Variants in MEI4 observed in about 807,000 individuals in gnomAD.
The protein encoded by MEI4 is meiosis-specific protein MEI4.
In MEI4, 27 loss-of-function variants were observed where a neutral mutation model predicts 31.4. The ratio of observed to expected loss-of-function variants is 0.86; its 90% confidence interval spans 0.63 to 1.19. The LOEUF is 1.19. MEI4 is among the 50% of genes most tolerant of loss of function. The pLI is 0.00. For synonymous variants in MEI4, 122 were observed against 145.4 expected, an observed-to-expected ratio of 0.84 and a Z score of 1.16; for missense variants, 329 against 398.9, an observed-to-expected ratio of 0.82 and a Z score of 1.49.
At chr6:77,917,006 T>G (rs1019496951) in intron 4 of MEI4, among the ~76,000 whole-genome samples, 1 of 146,764 alleles carries the variant, frequency 6.8e-6, no homozygotes, top group African/African-American at 2.5e-5. Flanking sequence ...CACCTATGAG[T>G]GAGAATATGC....
intron 2 of MEI4, among the ~76,000 whole-genome samples, chr6:77,729,946 G>C (rs990809228): frequency 6.6e-6 from 1 of 152,046 alleles, no homozygotes; most frequent in African/African-American, 2.4e-5. Flanking sequence ...GGAGGCTCGG[G>C]AGAACAACTC....
At chr6:77,734,069 AGGTGT>A (rs940518141) in intron 2 of MEI4, among the ~76,000 whole-genome samples, 5 of 151,974 alleles carry the variant, frequency 3.3e-5, no homozygotes, top group Non-Finnish European at 7.3e-5. Context: ...GTTTTGGAAT[AGGTGT>A]GGTGTGGTGC....
intron 2 of MEI4, among the ~76,000 whole-genome samples, chr6:77,726,322 TA>T (rs1766819561): frequency 6.6e-6 from 1 of 151,592 alleles, no homozygotes; most frequent in African/African-American, 2.4e-5. Context: ...TACTTCTTTC[TA>T]CACAGACACA....
intron 2 of MEI4, among the ~76,000 whole-genome samples, chr6:77,706,046 T>C (rs2127658221): frequency 6.6e-6 from 1 of 152,274 alleles, no homozygotes; most frequent in East Asian, 1.9e-4. Context: ...CAAAGTCCCT[T>C]TCTGACCTTC....
intron 3 of MEI4, among the ~76,000 whole-genome samples, chr6:77,777,692 C>T (rs1002425221): frequency 6.6e-6 from 1 of 152,088 alleles, no homozygotes. Context: ...CCCATATAAT[C>T]AGGATTAGCA....
chr6:77,854,258 A>G (rs901026585), intron 4 of MEI4, among the ~76,000 whole-genome samples: 1 of 151,952 alleles, frequency 6.6e-6, no homozygotes, highest in African/African-American at 2.4e-5. Flanking sequence ...TTTACCCCTC[A>G]ATATTTGAAA....
chr6:77,802,021 TC>T (rs1435825485), intron 3 of MEI4, among the ~76,000 whole-genome samples: 3 of 152,184 alleles, frequency 2.0e-5, no homozygotes, highest in Non-Finnish European at 2.9e-5. Context: ...TTCCTGGATA[TC>T]CTTGTTAACT....
intron 1 of MEI4, among the ~76,000 whole-genome samples, chr6:77,662,831 G>A (rs574838801): frequency 1.6e-3 from 221 of 134,192 alleles, no homozygotes; most frequent in African/African-American, 6.2e-3. Flanking sequence ...GGGAGAGCAC[G>A]TGTGTTTTTA....
intron 3 of MEI4, among the ~76,000 whole-genome samples, chr6:77,781,612 C>T (rs890771628): frequency 2.0e-5 from 3 of 152,108 alleles, no homozygotes; most frequent in Non-Finnish European, 4.4e-5. Flanking sequence ...TTATGGTCTA[C>T]ATTATTAAGT....
rs1380426797 is a variant in MEI4, at chr6:77,819,736, T to C, written c.769-9195T>C. The stretch of plus-strand genomic sequence containing the variant: ...AAGTAATAAAGGCCTTTCTTTTTAT[T>C]TGTGATTTAATATCACCTAGATATA... On this transcript the variant is annotated intron_variant, in intron 3 of 4. Transcript: ENST00000684080. 5.9e-5 allele frequency among the ~76,000 whole-genome samples: 9 copies of C among 152,294 alleles called. No individual in the cohort carries two copies. The East Asian group carries it at 1.7e-3, about 29-fold the overall frequency.
Position 77,698,868 on chromosome 6 carries a change from A to C in MEI4, c.232+7965A>C, listed in dbSNP as rs567704809. ...GATAATATCCTGCAGAGTGTTTTCC[A>C]ACTTGGTTCCATTCTCCCGGTCACT... On this transcript the variant is annotated intron_variant, in intron 2 of 4. Coordinates refer to ENST00000684080, the MANE Select transcript of MEI4 (RefSeq NM_001322247.2). 1.1e-4 allele frequency among the ~76,000 whole-genome samples: 17 copies of C among 152,260 alleles called. No homozygotes were observed. The South Asian group carries it at 3.3e-3, about 30-fold the overall frequency.
chr6:77,817,912 C>A (rs1302970362), intron 3 of MEI4, among the ~76,000 whole-genome samples: 1 of 152,146 alleles, frequency 6.6e-6, no homozygotes, highest in Non-Finnish European at 1.5e-5. Context: ...CTCACTTAGG[C>A]AGTGTCTTAC....
chr6:77,867,608 C>A (rs1403272420), intron 4 of MEI4, among the ~76,000 whole-genome samples: 1 of 152,176 alleles, frequency 6.6e-6, no homozygotes, highest in Non-Finnish European at 1.5e-5. Flanking sequence ...AACACTTTTA[C>A]ACTGTTGGTG....
chr6:77,702,874 G>A (rs189972153), intron 2 of MEI4, among the ~76,000 whole-genome samples: 51 of 152,154 alleles, frequency 3.4e-4, no homozygotes, highest in African/African-American at 1.2e-3. Flanking sequence ...TCTCTGTAGG[G>A]TATGTTCTCC....
At chr6:77,735,705 G>T (rs4452004) in intron 2 of MEI4, among the ~76,000 whole-genome samples, 31,326 of 151,912 alleles carry the variant, frequency 0.21, 3,702 homozygotes, top group African/African-American at 0.31. Flanking sequence ...AGGAGGAGAG[G>T]TGCTCTGATT....
chr6:77,862,184 C>A (rs1033228612), intron 4 of MEI4, among the ~76,000 whole-genome samples: 2 of 152,098 alleles, frequency 1.3e-5, no homozygotes, highest in Non-Finnish European at 2.9e-5. Context: ...ACTGAGGTAC[C>A]AGGCTCATCT....
chr6:77,661,678 C>T (rs1420381962), intron 1 of MEI4, among the ~76,000 whole-genome samples: 4 of 152,088 alleles, frequency 2.6e-5, no homozygotes, highest in Non-Finnish European at 4.4e-5. Context: ...GACGGGCTAG[C>T]GGCTTGTAAC....
intron 1 of MEI4, among the ~76,000 whole-genome samples, chr6:77,678,947 T>TAA (rs146048119): frequency 6.7e-6 from 1 of 150,338 alleles, no homozygotes; most frequent in Non-Finnish European, 1.5e-5. Context: ...GTTTAAGAGG[T>TAA]AAAAAAAAAT....
chr6:77,672,970 AG>A (rs1768773747), intron 1 of MEI4, among the ~76,000 whole-genome samples: 1 of 152,264 alleles, frequency 6.6e-6, no homozygotes, highest in South Asian at 2.1e-4. Flanking sequence ...ATACAAGGTC[AG>A]TGCAAACTTT....
Sources: allele counts gnomAD v4.1 joint callset (sites outside exome capture counted in the v4.1 genomes callset), GRCh38; gene constraint gnomAD v4.1.1; transcripts MANE v1.5; gene names NCBI Gene and HGNC (gene_info 2026-07-23, HGNC 2026-07-21).